Variants in XYLB observed in about 807,000 individuals in gnomAD.
XYLB encodes the protein xylulose kinase.
A neutral mutation model predicts 78.7 loss-of-function variants in XYLB; 62 were observed. That is an observed-to-expected ratio of 0.79 (90% CI 0.64 to 0.97). XYLB has a LOEUF of 0.97. Among genes scored for constraint, XYLB ranks in the 50% least tolerant of loss-of-function variants. XYLB has a pLI of 0.00. For synonymous variants in XYLB, 245 were observed against 247.4 expected, an observed-to-expected ratio of 0.99 and a Z score of 0.09; for missense variants, 687 against 676.8, an observed-to-expected ratio of 1.02 and a Z score of -0.17.
intron 15 of XYLB, 103 bp downstream of exon 15, chr3:38,379,445 CA>C (rs1409561972): frequency 1.7e-6 from 2 of 1,147,198 alleles, no homozygotes; most frequent in African/African-American, 3.0e-5. Context: ...AGTTTTCTTA[CA>C]GGGGGACTTG....
rs1706542315 is a variant in XYLB at position 38,371,266 on chromosome 3, G to A, written c.765+1092G>A. 2.6e-5 allele frequency among the ~76,000 whole-genome samples: 3 copies of A among 114,544 alleles called. No homozygotes were observed. In the Admixed American group the frequency reaches 3.2e-4, roughly 12 times the overall value. 75.1% of individuals were successfully genotyped at this position (114,544 alleles called of 152,430 possible). On this transcript the variant is annotated intron_variant, in intron 9 of 18. Coordinates refer to ENST00000207870, the MANE Select transcript of XYLB (RefSeq NM_005108.4). ...TGGGACCATAGGCTTGCTCCACCATGCACAGCTAATTTTTTTTTTTTTTTG... is the reference window on the plus strand; with the variant it reads ...TGGGACCATAGGCTTGCTCCACCATACACAGCTAATTTTTTTTTTTTTTTG...
chr3:38,396,648 A>G (rs1049130322), intron 16 of XYLB, among the ~76,000 whole-genome samples: 3 of 152,178 alleles, frequency 2.0e-5, no homozygotes, highest in East Asian at 1.9e-4. Context: ...TTTGAAATGT[A>G]TGCAATTTAT....
chr3:38,431,060 A>T, the XYLB span, among the ~76,000 whole-genome samples: 47 of 150,466 alleles, frequency 3.1e-4, no homozygotes, highest in East Asian at 9.7e-4. Context: ...TTCCATATGA[A>T]CTTTAAAGTA....
chr3:38,357,127 T>C (rs1232193995), intron 2 of XYLB: 1 of 152,228 alleles, frequency 6.6e-6, no homozygotes, highest in African/African-American at 2.4e-5. Context: ...CCTCCAGAAC[T>C]GTGAGAAAAT....
chr3:38,356,076 C>T (rs1297876558), intron 2 of XYLB: 2 of 263,062 alleles, frequency 7.6e-6, no homozygotes, highest in Non-Finnish European at 1.4e-5. Flanking sequence ...GCAGTGAAAC[C>T]CCGTCTCTAC....
chr3:38,346,966 C>G, intron 1 of XYLB, 41 bp downstream of exon 1: 3 of 1,416,510 alleles, frequency 2.1e-6, no homozygotes, highest in Non-Finnish European at 2.8e-6. Flanking sequence ...CCGCCTCCTC[C>G]GCTTCGGTGG....
the XYLB span, among the ~76,000 whole-genome samples, chr3:38,438,355 T>C: frequency 6.6e-6 from 1 of 151,846 alleles, no homozygotes; most frequent in African/African-American, 2.4e-5. Context: ...ATGAAAGAAA[T>C]TGAAGAAGAC....
downstream of XYLB, chr3:38,421,341 C>T (rs1456655814): frequency 1.3e-5 from 2 of 152,156 alleles, no homozygotes; most frequent in Non-Finnish European, 2.9e-5. Context: ...TGGAGGACAC[C>T]CGAGTACTGT....
intron 18 of XYLB, among the ~76,000 whole-genome samples, chr3:38,411,984 C>CTTT (rs5848424): frequency 1.3e-4 from 18 of 138,196 alleles, no homozygotes; most frequent in African/African-American, 1.6e-4. Flanking sequence ...GATCTCAACT[C>CTTT]TTTTTTTTTT....
chr3:38,452,362 C>A, the XYLB span: 2 of 152,278 alleles, frequency 1.3e-5, no homozygotes, highest in Admixed American at 1.3e-4. Context: ...TGAGGTGTTC[C>A]TGCTGCTCTG....
At chr3:38,432,945 C>T in the XYLB span, among the ~76,000 whole-genome samples, 1 of 152,212 alleles carries the variant, frequency 6.6e-6, no homozygotes, top group African/African-American at 2.4e-5. Flanking sequence ...CTCACAGCTC[C>T]AGTAGACAGT....
chr3:38,419,248 A>C (rs1708895671), downstream of XYLB, among the ~76,000 whole-genome samples: 1 of 152,140 alleles, frequency 6.6e-6, no homozygotes, highest in South Asian at 2.1e-4. Context: ...GTTCATTCAC[A>C]TTGTAGCAAG....
intron 18 of XYLB, among the ~76,000 whole-genome samples, chr3:38,407,976 G>A (rs1165866128): frequency 3.5e-4 from 54 of 152,134 alleles, no homozygotes; most frequent in Non-Finnish European, 4.6e-4. Context: ...ACAGAACAAC[G>A]AGACAGAAAG....
intron 2 of XYLB, chr3:38,357,206 T>C (rs820298): frequency 0.89 from 135,580 of 152,282 alleles, 60,928 homozygotes; most frequent in East Asian, 1. Flanking sequence ...ACTAATACAA[T>C]GTATACGTTT....
intron 18 of XYLB, among the ~76,000 whole-genome samples, chr3:38,406,844 A>G (rs1301171801): frequency 4.6e-5 from 7 of 152,214 alleles, no homozygotes; most frequent in African/African-American, 1.7e-4. Flanking sequence ...AAAAGAATAA[A>G]AAGAAACAAG....
At chr3:38,384,266 G>A (rs543089511) in intron 15 of XYLB, among the ~76,000 whole-genome samples, 18 of 152,114 alleles carry the variant, frequency 1.2e-4, no homozygotes, top group African/African-American at 1.7e-4. Context: ...GGGTTTCACC[G>A]TGTTGGCCAA....
chr3:38,437,019 A>G, the XYLB span, among the ~76,000 whole-genome samples: 19 of 138,862 alleles, frequency 1.4e-4, no homozygotes, highest in African/African-American at 5.4e-4. Flanking sequence ...AATAATAATA[A>G]TAATAATAAT....
chr3:38,365,064 C>T (rs1243676942), intron 4 of XYLB, 135 bp from the exon 5 acceptor site: 6 of 714,752 alleles, frequency 8.4e-6, no homozygotes, highest in South Asian at 3.5e-5. Context: ...GGGTGATGAG[C>T]TCTGTGACTA....
At chr3:38,438,035 A>G in the XYLB span, among the ~76,000 whole-genome samples, 1 of 151,942 alleles carries the variant, frequency 6.6e-6, no homozygotes, top group Non-Finnish European at 1.5e-5. Flanking sequence ...CAGCCCAGTG[A>G]CAGAGCAAGA....
Sources: gnomAD v4.1 joint callset for allele counts (sites outside exome capture counted in the v4.1 genomes callset) on GRCh38, gnomAD v4.1.1 for gene constraint, MANE v1.5 for transcripts, NCBI Gene and HGNC (gene_info 2026-07-23, HGNC 2026-07-21) for gene names.